SOX5: variants seen among roughly 807,000 people sequenced by gnomAD.
SOX5 encodes transcription factor SOX-5.
In SOX5, 9 loss-of-function variants were observed where a neutral mutation model predicts 92.0. That is an observed-to-expected ratio of 0.10 (90% CI 0.06 to 0.17). SOX5 has a LOEUF of 0.17. SOX5 is among the 10% of genes least tolerant of loss of function. SOX5 has a pLI of 1.00. For missense variants in SOX5, 642 were observed against 944.5 expected (o/e 0.68, Z 4.20); for synonymous variants, 344 against 336.3 (o/e 1.02, Z -0.25).
At position 24,491,810 on chromosome 12, in the gene SOX5, A is replaced by G. The variant is rs537299831; in HGVS notation, c.-251+70519T>C. Among the ~76,000 whole-genome samples, 193 of 152,172 alleles carry G rather than the reference A, an allele frequency of 1.3e-3. 2 individuals are homozygous for G. The highest frequency in any genetic ancestry group is 3.5e-3 in the African/African-American group (147 of 41,518). ...CTGTTCTTCCTCATGGCAAAGGAAA[A>G]CACTTTATTTTTTACTGTTGTAGGA... is the stretch of plus-strand genomic sequence containing the variant. On this transcript the variant is annotated intron_variant, in intron 1 of 4. Coordinates refer to the SOX5 transcript ENST00000446891.
chr12:23,570,828 G>A (rs1450556852), intron 10 of SOX5, among the ~76,000 whole-genome samples: 9 of 146,510 alleles, frequency 6.1e-5, no homozygotes, highest in East Asian at 4.1e-4. Context: ...GGGGAATGGC[G>A]TGAACCCAGG....
chr12:23,766,159 A>G (rs1368486720), intron 3 of SOX5, among the ~76,000 whole-genome samples: 1 of 152,208 alleles, frequency 6.6e-6, no homozygotes, highest in African/African-American at 2.4e-5. Flanking sequence ...GTTCTAAAGT[A>G]ATCTTCTGGT....
At chr12:23,884,236 T>C (rs2097033831) in intron 2 of SOX5, among the ~76,000 whole-genome samples, 1 of 152,174 alleles carries the variant, frequency 6.6e-6, no homozygotes, top group Non-Finnish European at 1.5e-5. Flanking sequence ...AAAAATAAGG[T>C]AAAACCATTT....
At chr12:24,376,673 T>C (rs1017965633) in intron 1 of SOX5, among the ~76,000 whole-genome samples, 1 of 148,138 alleles carries the variant, frequency 6.8e-6, no homozygotes, top group African/African-American at 2.5e-5. Context: ...TTCAGAATGA[T>C]GCTATGGGAG....
intron 2 of SOX5, among the ~76,000 whole-genome samples, chr12:23,883,891 G>A (rs1171855821): frequency 3.9e-5 from 6 of 152,126 alleles, no homozygotes; most frequent in Non-Finnish European, 4.4e-5. Context: ...TTGACTGAGA[G>A]ATAATATCTC....
chr12:23,857,687 C>T (rs1465357336), intron 2 of SOX5, among the ~76,000 whole-genome samples: 1 of 151,716 alleles, frequency 6.6e-6, no homozygotes, highest in African/African-American at 2.4e-5. Context: ...ATACTCTATA[C>T]ACAATGTGTG....
intron 14 of SOX5, 152 bp from the exon 15 acceptor site, chr12:23,534,674 A>G (rs1939830752): frequency 1.6e-6 from 1 of 616,614 alleles, no homozygotes; most frequent in Admixed American, 3.1e-5. Flanking sequence ...ATCCTACTTG[A>G]ACTTTAATAC....
At chr12:24,399,675 C>T (rs1185070530) in intron 1 of SOX5, among the ~76,000 whole-genome samples, 1 of 152,088 alleles carries the variant, frequency 6.6e-6, no homozygotes, top group Admixed American at 6.5e-5. Context: ...TTTGAATTGC[C>T]AGTAGCAGGA....
chr12:24,466,511 A>G (rs1358423612), intron 1 of SOX5, among the ~76,000 whole-genome samples: 1 of 152,204 alleles, frequency 6.6e-6, no homozygotes, highest in Admixed American at 6.5e-5. Flanking sequence ...GCACAGACAC[A>G]GGTTTGTAGA....
intron 3 of SOX5, among the ~76,000 whole-genome samples, chr12:23,812,654 A>G (rs1008454911): frequency 3.9e-5 from 6 of 152,138 alleles, no homozygotes; most frequent in Non-Finnish European, 5.9e-5. Flanking sequence ...TTTCTTTGAT[A>G]TCCAATACCT....
At chr12:23,675,420 A>G (rs1566905041) in intron 6 of SOX5, among the ~76,000 whole-genome samples, 1 of 152,024 alleles carries the variant, frequency 6.6e-6, no homozygotes, top group African/African-American at 2.4e-5. Flanking sequence ...ACTAATTTTC[A>G]ACAAAGGCAC....
Position 24,022,210 on chromosome 12 carries a change from G to T in SOX5, c.-1-126186C>A, listed in dbSNP as rs145401448. Among the ~76,000 whole-genome samples the T allele has an allele frequency of 1.4e-4, 22 of 152,262 alleles. No individual in the cohort carries two copies. The East Asian group carries it at 4.1e-3, about 28-fold the overall frequency. On this transcript the variant is annotated intron_variant, in intron 4 of 4. Coordinates refer to the SOX5 transcript ENST00000446891. ...AGGTTTTATCCTATTAAGGCTGTGA[G>T]AAATTTCCCTGAGGAAGTGATACTT... is the stretch of plus-strand genomic sequence containing the variant.
chr12:24,081,747 C>T (rs1424949734), intron 4 of SOX5, among the ~76,000 whole-genome samples: 1 of 151,956 alleles, frequency 6.6e-6, no homozygotes, highest in East Asian at 1.9e-4. Flanking sequence ...ACAGTGCTTT[C>T]AAGGGTCTCT....
chr12:24,074,392 G>C (rs1942216811), intron 4 of SOX5, among the ~76,000 whole-genome samples: 1 of 151,312 alleles, frequency 6.6e-6, no homozygotes, highest in African/African-American at 2.4e-5. Context: ...AAAAAAAACA[G>C]CTACCACCTG....
chr12:24,118,018 CAAAAAAAAA>C (rs964710930), intron 4 of SOX5, among the ~76,000 whole-genome samples: 5 of 41,824 alleles, frequency 1.2e-4, no homozygotes, highest in East Asian at 6.3e-4. Context: ...GACTCTCATT[CAAAAAAAAA>C]AAAAAAAAAA....
intron 4 of SOX5, among the ~76,000 whole-genome samples, chr12:23,989,263 G>C (rs917528447): frequency 6.6e-6 from 1 of 150,734 alleles, no homozygotes; most frequent in Non-Finnish European, 1.5e-5. Flanking sequence ...GTGGTGTTGC[G>C]TGCCTCTGGT....
intron 1 of SOX5, among the ~76,000 whole-genome samples, chr12:24,559,239 A>G (rs1408061271): frequency 6.6e-6 from 1 of 152,240 alleles, no homozygotes; most frequent in Non-Finnish European, 1.5e-5. Context: ...CTTCAGGCCT[A>G]GACAAATAAG....
chr12:24,373,793 A>AAG (rs1165451161), intron 1 of SOX5, among the ~76,000 whole-genome samples: 2 of 152,196 alleles, frequency 1.3e-5, no homozygotes, highest in Non-Finnish European at 2.9e-5. Context: ...CAGATATGCT[A>AAG]CTTTCTGAAA....
At chr12:24,533,494 AT>A in intron 1 of SOX5, among the ~76,000 whole-genome samples, 1 of 152,178 alleles carries the variant, frequency 6.6e-6, no homozygotes, top group East Asian at 1.9e-4. Context: ...AGGGAAACTA[AT>A]GAGGTAAGAT....
Sources: gnomAD v4.1 joint callset for allele counts (sites outside exome capture counted in the v4.1 genomes callset) on GRCh38, gnomAD v4.1.1 for gene constraint, MANE v1.5 for transcripts, NCBI Gene and HGNC (gene_info 2026-07-23, HGNC 2026-07-21) for gene names.